The following GRM3 variants were observed in gnomAD, a reference collection of about 807,000 sequenced individuals.
GRM3 encodes metabotropic glutamate receptor 3.
In GRM3, 26 loss-of-function variants were observed where a neutral mutation model predicts 70.5. The observed-to-expected ratio is 0.37, with a 90% CI of 0.27 to 0.51. GRM3 has a LOEUF of 0.51. Ranked by LOEUF, GRM3 falls within the 20% of genes least tolerant of loss-of-function variation. The pLI, the probability that GRM3 is intolerant of heterozygous loss-of-function variation, is 0.93. For missense variants in GRM3, 859 were observed against 1,123.8 expected (o/e 0.76, Z 3.37); for synonymous variants, 443 against 434.9 (o/e 1.02, Z -0.23).
At chr7:86,774,753 T>C (rs2116467265) in intron 2 of GRM3, among the ~76,000 whole-genome samples, 1 of 152,192 alleles carries the variant, frequency 6.6e-6, no homozygotes, top group Admixed American at 6.6e-5. Context: ...GTAGATACCA[T>C]AAGGTTCACA....
At chr7:86,661,722 A>G (rs1026755800) in intron 1 of GRM3, among the ~76,000 whole-genome samples, 13 of 151,960 alleles carry the variant, frequency 8.6e-5, no homozygotes, top group Non-Finnish European at 1.8e-4. Context: ...TACAGAATAA[A>G]AAACATTTTT....
At chr7:86,748,606 G>A (rs887792360) in intron 1 of GRM3, among the ~76,000 whole-genome samples, 12 of 151,964 alleles carry the variant, frequency 7.9e-5, no homozygotes, top group South Asian at 2.1e-4. Context: ...GGATGATACC[G>A]GAGGCTTTCT....
intron 1 of GRM3, among the ~76,000 whole-genome samples, chr7:86,645,598 C>A (rs1207753848): frequency 6.6e-6 from 1 of 152,066 alleles, no homozygotes; most frequent in African/African-American, 2.4e-5. Flanking sequence ...TTAAGGATTT[C>A]ATTTAAATTT....
rs573753988 is a variant in GRM3 at position 86,714,080 on chromosome 7, A to T, written c.-140-50926A>T. Among the ~76,000 whole-genome samples, 5 of 152,090 alleles carry T rather than the reference A, an allele frequency of 3.3e-5. No homozygotes were observed. In the East Asian group the frequency reaches 7.8e-4, roughly 24 times the overall value. The stretch of plus-strand genomic sequence containing the variant: ...ACACAAGAGTCAAGGGCACATCCAC[A>T]CACCAGTCTCTACTTCTCTCCCTTA... On this transcript the variant is annotated intron_variant, in intron 1 of 5. Coordinates refer to ENST00000361669, the MANE Select transcript of GRM3 (RefSeq NM_000840.3).
chr7:86,860,380 C>T (rs898316665), intron 5 of GRM3, among the ~76,000 whole-genome samples: 6 of 152,036 alleles, frequency 3.9e-5, no homozygotes, highest in African/African-American at 1.4e-4. Context: ...AATAATTTTC[C>T]CTACTATATT....
intron 5 of GRM3, 123 bp from the exon 6 acceptor site, chr7:86,864,159 T>C (rs1584286538): frequency 1.5e-6 from 1 of 678,764 alleles, no homozygotes; most frequent in East Asian, 2.5e-5. Flanking sequence ...TTTGTAGTCT[T>C]TTATCCCTCA....
intron 2 of GRM3, among the ~76,000 whole-genome samples, chr7:86,767,967 T>C (rs1796648227): frequency 6.6e-6 from 1 of 152,144 alleles, no homozygotes. Flanking sequence ...CATTAGGTTT[T>C]TTTCATTTAT....
intron 1 of GRM3, among the ~76,000 whole-genome samples, chr7:86,717,529 C>T (rs903588374): frequency 6.6e-6 from 1 of 151,864 alleles, no homozygotes; most frequent in African/African-American, 2.4e-5. Flanking sequence ...TAAAAATTTA[C>T]GAGACTATTA....
chr7:86,683,970 C>T (rs1454487260), intron 1 of GRM3, among the ~76,000 whole-genome samples: 1 of 152,110 alleles, frequency 6.6e-6, no homozygotes, highest in East Asian at 1.9e-4. Context: ...GTAATCTCTC[C>T]CTCCTTTGAA....
At chr7:86,754,272 C>G (rs1175127714) in intron 1 of GRM3, among the ~76,000 whole-genome samples, 1 of 152,048 alleles carries the variant, frequency 6.6e-6, no homozygotes, top group Non-Finnish European at 1.5e-5. Flanking sequence ...TCTACAATTC[C>G]ATGATTAAAA....
intron 2 of GRM3, among the ~76,000 whole-genome samples, chr7:86,776,294 G>T (rs557427400): frequency 1.3e-5 from 2 of 152,114 alleles, no homozygotes; most frequent in African/African-American, 4.8e-5. Flanking sequence ...CTAGCCGAAG[G>T]TCACACAGCT....
intron 1 of GRM3, among the ~76,000 whole-genome samples, chr7:86,718,076 G>A (rs573566424): frequency 1.3e-5 from 2 of 152,052 alleles, no homozygotes; most frequent in South Asian, 4.1e-4. Context: ...CAAAATTAAT[G>A]TCTTCATTGC....
chr7:86,760,373 G>A (rs1165685232), intron 1 of GRM3, among the ~76,000 whole-genome samples: 1 of 152,132 alleles, frequency 6.6e-6, no homozygotes, highest in Non-Finnish European at 1.5e-5. Context: ...TTGGTGAGCA[G>A]GTTGCCTACA....
chr7:86,811,403 T>C (rs761196657), intron 3 of GRM3, among the ~76,000 whole-genome samples: 2 of 151,848 alleles, frequency 1.3e-5, no homozygotes, highest in Non-Finnish European at 2.9e-5. Flanking sequence ...CCATTTTGTT[T>C]TTCTCCATCC....
chr7:86,706,220 T>C (rs1035811407), intron 1 of GRM3, among the ~76,000 whole-genome samples: 6 of 152,072 alleles, frequency 3.9e-5, no homozygotes, highest in Non-Finnish European at 8.8e-5. Flanking sequence ...CAAGGCACAG[T>C]TTAGTGCTAA....
At chr7:86,664,402 A>G (rs753127955) in intron 1 of GRM3, among the ~76,000 whole-genome samples, 5 of 152,052 alleles carry the variant, frequency 3.3e-5, no homozygotes, top group African/African-American at 9.7e-5. Flanking sequence ...CAGGACATAT[A>G]TAATGAATCA....
At chr7:86,741,947 TACCAC>T (rs1457388362) in intron 1 of GRM3, among the ~76,000 whole-genome samples, 3 of 152,112 alleles carry the variant, frequency 2.0e-5, no homozygotes, top group African/African-American at 7.3e-5. Context: ...CTTAGTAACA[TACCAC>T]ACCAAAATTT....
intron 1 of GRM3, among the ~76,000 whole-genome samples, chr7:86,736,538 T>C (rs1271987694): frequency 6.6e-6 from 1 of 152,110 alleles, no homozygotes; most frequent in Non-Finnish European, 1.5e-5. Context: ...GTGCCACTTG[T>C]GTATTTTTAA....
intron 1 of GRM3, among the ~76,000 whole-genome samples, chr7:86,669,678 A>G (rs1384061894): frequency 6.6e-6 from 1 of 152,162 alleles, no homozygotes; most frequent in Admixed American, 6.6e-5. Context: ...TCTCTTATAT[A>G]TTTTGTTCCA....
Sources: gnomAD v4.1 joint callset for allele counts (sites outside exome capture counted in the v4.1 genomes callset) on GRCh38, gnomAD v4.1.1 for gene constraint, MANE v1.5 for transcripts, NCBI Gene and HGNC (gene_info 2026-07-23, HGNC 2026-07-21) for gene names.